The following KCNIP4 variants were observed in gnomAD, a reference collection of about 807,000 sequenced individuals.
The protein encoded by KCNIP4 is potassium voltage-gated channel interacting protein 4.
A neutral mutation model predicts 34.0 loss-of-function variants in KCNIP4; 12 were observed. That is an observed-to-expected ratio of 0.35 (90% CI 0.23 to 0.57). The LOEUF is 0.57. KCNIP4 is among the 20% of genes least tolerant of loss of function. KCNIP4 has a pLI of 0.83. For missense variants in KCNIP4, 238 were observed against 311.7 expected (o/e 0.76, Z 1.78); for synonymous variants, 124 against 102.2 (o/e 1.21, Z -1.29).
chr4:21,503,278 C>G (rs1733513118), intron 1 of KCNIP4, among the ~76,000 whole-genome samples: 1 of 152,060 alleles, frequency 6.6e-6, no homozygotes, highest in African/African-American at 2.4e-5. Flanking sequence ...CTAAATACAC[C>G]TCTCTCATTA....
intron 3 of KCNIP4, among the ~76,000 whole-genome samples, chr4:20,844,807 CT>C (rs1281869471): frequency 6.6e-6 from 1 of 152,164 alleles, no homozygotes; most frequent in Non-Finnish European, 1.5e-5. Context: ...TTCCCAAACA[CT>C]TTGAATGGGG....
rs751365080 is a variant in KCNIP4 at position 20,882,591 on chromosome 4, C to CA, written c.163+16dup. On this transcript the variant is annotated intron_variant, in intron 2 of 8. Transcript: ENST00000382152. ...AAGAGTTTCGGAGGAAAAAAAAAAA[C>CA]AAAAAAACAAACTTGCTTTGAATAG... 5 of 1,549,314 alleles carry CA rather than the reference C, an allele frequency of 3.2e-6. No individual in the cohort carries two copies. Among genetic ancestry groups the CA allele is most frequent in the South Asian group, 2.3e-5 (2 of 87,968 alleles).
At chr4:21,219,429 A>G (rs1223492327) in intron 1 of KCNIP4, among the ~76,000 whole-genome samples, 5 of 152,170 alleles carry the variant, frequency 3.3e-5, no homozygotes, top group African/African-American at 1.2e-4. Context: ...ATTTGCTTTC[A>G]CTGTAACATA....
At chr4:21,411,282 T>C (rs748071691) in intron 1 of KCNIP4, among the ~76,000 whole-genome samples, 5 of 152,064 alleles carry the variant, frequency 3.3e-5, no homozygotes, top group African/African-American at 4.8e-5. Flanking sequence ...TTTGTTGATA[T>C]TTACTAAAAA....
chr4:20,731,994 T>G lies in KCNIP4; in HGVS notation c.705+12A>C. On this transcript the variant is annotated intron_variant, in intron 8 of 8. Transcript: ENST00000382152. ...TAGCTGAATTGATAGTTATTACACT[T>G]TCATTACTTACTTTTTGGCAGCTTT... The G allele has an allele frequency of 6.2e-7, 1 of 1,613,006 alleles. No homozygotes were observed. The highest frequency in any genetic ancestry group is 8.5e-7 in the Non-Finnish European group (1 of 1,179,588).
intron 1 of KCNIP4, among the ~76,000 whole-genome samples, chr4:21,318,320 C>T (rs1714004670): frequency 6.6e-6 from 1 of 152,110 alleles, no homozygotes; most frequent in Admixed American, 6.6e-5. Context: ...TATGTACAAT[C>T]CTTGCTTACA....
intron 1 of KCNIP4, among the ~76,000 whole-genome samples, chr4:20,953,330 A>G (rs1174652214): frequency 1.3e-5 from 2 of 152,168 alleles, no homozygotes; most frequent in Non-Finnish European, 2.9e-5. Context: ...TAATGACTAA[A>G]AGCAACTTGA....
chr4:20,764,599 G>T (rs1264823241), intron 3 of KCNIP4, among the ~76,000 whole-genome samples: 1 of 151,654 alleles, frequency 6.6e-6, no homozygotes, highest in Non-Finnish European at 1.5e-5. Context: ...CAGAAACGCT[G>T]CATCCATTCG....
intron 3 of KCNIP4, among the ~76,000 whole-genome samples, chr4:20,833,748 T>C (rs1356047970): frequency 6.6e-6 from 1 of 152,188 alleles, no homozygotes; most frequent in Non-Finnish European, 1.5e-5. Flanking sequence ...GTGCAGTTAA[T>C]ACACTCATAA....
At chr4:20,940,326 C>G (rs1731514291) in intron 1 of KCNIP4, among the ~76,000 whole-genome samples, 1 of 152,176 alleles carries the variant, frequency 6.6e-6, no homozygotes, top group Admixed American at 6.5e-5. Flanking sequence ...TTATGTCTGT[C>G]TCCTCAACAG....
At chr4:21,819,461 A>G (rs1722194849) in intron 1 of KCNIP4, among the ~76,000 whole-genome samples, 1 of 152,100 alleles carries the variant, frequency 6.6e-6, no homozygotes, top group Non-Finnish European at 1.5e-5. Flanking sequence ...GTAACCTGAT[A>G]TTTGTTGTTT....
At chr4:21,454,749 T>G (rs1728781703) in intron 1 of KCNIP4, among the ~76,000 whole-genome samples, 2 of 152,244 alleles carry the variant, frequency 1.3e-5, no homozygotes, top group Non-Finnish European at 2.9e-5. Flanking sequence ...CAGTTTCTGT[T>G]TTATATTGAT....
Position 21,645,686 on chromosome 4 carries a change from C to T in KCNIP4, c.61+302885G>A, listed in dbSNP as rs114224931. 3.6e-3 allele frequency among the ~76,000 whole-genome samples: 547 copies of T among 152,206 alleles called. 3 individuals carry two copies. Among genetic ancestry groups the T allele is most frequent in the African/African-American group, 0.013 (524 of 41,526 alleles). ...CTCTGTGCTGTCCTTGATCGCTGAACCAAGCCCCAAACCTATACTCCACAA... is the reference window on the plus strand; with the variant it reads ...CTCTGTGCTGTCCTTGATCGCTGAATCAAGCCCCAAACCTATACTCCACAA... On this transcript the variant is annotated intron_variant, in intron 1 of 8. Coordinates refer to ENST00000382152, the MANE Select transcript of KCNIP4 (RefSeq NM_025221.6).
At chr4:21,402,552 A>T (rs1723636696) in intron 1 of KCNIP4, among the ~76,000 whole-genome samples, 1 of 152,170 alleles carries the variant, frequency 6.6e-6, no homozygotes, top group African/African-American at 2.4e-5. Context: ...TAACAATGGT[A>T]GTTGTATTCA....
chr4:21,919,798 C>T (rs1728838482), intron 1 of KCNIP4, among the ~76,000 whole-genome samples: 1 of 152,096 alleles, frequency 6.6e-6, no homozygotes, highest in East Asian at 1.9e-4. Context: ...ATGTGGAAGT[C>T]ATTTTGTGAT....
At chr4:21,441,697 A>C (rs1296394446) in intron 1 of KCNIP4, among the ~76,000 whole-genome samples, 1 of 152,132 alleles carries the variant, frequency 6.6e-6, no homozygotes, top group Non-Finnish European at 1.5e-5. Context: ...ATTACTTTCA[A>C]ATCTACTGCA....
At chr4:21,095,724 A>G (rs1373395048) in intron 1 of KCNIP4, among the ~76,000 whole-genome samples, 1 of 152,144 alleles carries the variant, frequency 6.6e-6, no homozygotes, top group Non-Finnish European at 1.5e-5. Flanking sequence ...TCTCCCAAAC[A>G]TATGTGACTT....
chr4:21,221,129 G>A (rs1232590188), intron 1 of KCNIP4, among the ~76,000 whole-genome samples: 1 of 152,222 alleles, frequency 6.6e-6, no homozygotes, highest in Admixed American at 6.5e-5. Flanking sequence ...ATGTTGCCCA[G>A]TCATGGATTA....
At chr4:20,786,308 A>G (rs1328369985) in intron 3 of KCNIP4, among the ~76,000 whole-genome samples, 1 of 152,100 alleles carries the variant, frequency 6.6e-6, no homozygotes, top group Non-Finnish European at 1.5e-5. Flanking sequence ...AGGAGGGAGA[A>G]AAGAGGACAA....
Sources: gnomAD v4.1 joint callset for allele counts (sites outside exome capture counted in the v4.1 genomes callset) on GRCh38, gnomAD v4.1.1 for gene constraint, MANE v1.5 for transcripts, NCBI Gene and HGNC (gene_info 2026-07-23, HGNC 2026-07-21) for gene names.